TOP1MT: variants seen among roughly 807,000 people sequenced by gnomAD.
TOP1MT encodes the protein DNA topoisomerase I mitochondrial, also known as DNA topoisomerase I, mitochondrial.
In TOP1MT, 80 loss-of-function variants were observed where a neutral mutation model predicts 73.9. The observed-to-expected ratio is 1.08, with a 90% CI of 0.90 to 1.30. The LOEUF is 1.30. Ranked by LOEUF, TOP1MT falls within the 50% of genes most tolerant of loss-of-function variation. The pLI is 0.00. For missense variants in TOP1MT, 815 were observed against 808.0 expected (o/e 1.01, Z -0.10); for synonymous variants, 338 against 326.4 (o/e 1.04, Z -0.38).
At chr8:143,311,485 C>T (rs1300660459) in intron 12 of TOP1MT, among the ~76,000 whole-genome samples, 3 of 152,172 alleles carry the variant, frequency 2.0e-5, no homozygotes, top group African/African-American at 7.2e-5. Flanking sequence ...CAGTGGCTCA[C>T]GCCTGTAATC....
chr8:143,331,214 G>C lies in TOP1MT; in HGVS notation c.238+10C>G. 6.3e-7 allele frequency: 1 copy of C among 1,590,624 alleles called. No homozygotes were observed. On this transcript the variant is annotated intron_variant, in intron 2 of 13. Transcript: ENST00000329245. ...GCAGGCTGGGGAGGAGCCGCTCCCT[G>C]CATCCTTACCTTCATAGAAGAAACG...
At chr8:143,348,398 C>T (rs556409155), upstream of TOP1MT, among the ~76,000 whole-genome samples, 14 of 152,170 alleles carry the variant, frequency 9.2e-5, no homozygotes, top group Non-Finnish European at 1.3e-4. The surrounding 1 kb of genome is among the most constrained non-coding windows in gnomAD (Gnocchi z 4.6). Flanking sequence ...GCCGCAGCTA[C>T]GGCTCAAGAC....
At chr8:143,321,139 C>T in intron 8 of TOP1MT, 62 bp downstream of exon 8, 1 of 1,480,808 alleles carries the variant, frequency 6.8e-7, no homozygotes, top group South Asian at 1.3e-5. Flanking sequence ...TCCGGCACGC[C>T]CCCAGACATC....
intron 2 of TOP1MT, among the ~76,000 whole-genome samples, chr8:143,342,160 A>C (rs1426409387): frequency 3.3e-5 from 4 of 121,204 alleles, no homozygotes; most frequent in Non-Finnish European, 4.7e-5. Context: ...TTAGAGACAG[A>C]GTCTCGCTCT....
At chr8:143,317,908 G>C (rs752056311) in intron 9 of TOP1MT, 71 bp from the exon 10 acceptor site, 1 of 1,595,012 alleles carries the variant, frequency 6.3e-7, no homozygotes, top group South Asian at 1.1e-5. Flanking sequence ...GGGAAGGAAA[G>C]GACATGTCAG....
intron 1 of TOP1MT, chr8:143,332,452 G>A (rs945781952): frequency 3.9e-6 from 5 of 1,274,982 alleles, no homozygotes; most frequent in South Asian, 1.2e-5. Flanking sequence ...TCCCCCAGAC[G>A]CACAAGGACA....
upstream of TOP1MT, among the ~76,000 whole-genome samples, chr8:143,345,896 C>A (rs553812410): frequency 6.6e-6 from 1 of 152,312 alleles, no homozygotes; most frequent in South Asian, 2.1e-4. Context: ...TCTGATTCTG[C>A]CCTATCAGCA....
chr8:143,309,665 G>T, intron 13 of TOP1MT, 122 bp from the exon 14 acceptor site: 1 of 1,529,860 alleles, frequency 6.5e-7, no homozygotes, highest in Non-Finnish European at 8.8e-7. Flanking sequence ...GCCTGGTGTA[G>T]CTGGGACCTG....
upstream of TOP1MT, among the ~76,000 whole-genome samples, chr8:143,339,158 G>A (rs1817031307): frequency 6.6e-6 from 1 of 152,204 alleles, no homozygotes; most frequent in Non-Finnish European, 1.5e-5. Flanking sequence ...GCTGCGAGCA[G>A]TGGTGGAGTT....
At chr8:143,322,277 T>C (rs1417173777) in intron 7 of TOP1MT, among the ~76,000 whole-genome samples, 5 of 5,728 alleles carry the variant, frequency 8.7e-4, no homozygotes, top group East Asian at 8.5e-3. Context: ...GCCACACACA[T>C]GCACGCCACA....
At chr8:143,332,688 G>A (rs1261779502) in intron 1 of TOP1MT, 1 of 649,338 alleles carries the variant, frequency 1.5e-6, no homozygotes, top group South Asian at 1.5e-5. Flanking sequence ...AAGGTTAGAA[G>A]ACGTAGAGAC....
At chr8:143,322,661 C>CAG (rs1816503565) in intron 7 of TOP1MT, among the ~76,000 whole-genome samples, 10 of 125,202 alleles carry the variant, frequency 8.0e-5, no homozygotes, top group Non-Finnish European at 1.1e-4. Flanking sequence ...ACACCACACA[C>CAG]GCACGCCACA....
chr8:143,334,783 C>G lies in TOP1MT; in HGVS notation c.79G>C (p.Gly27Arg), dbSNP rs534584096. ...TGCGTCCTGCGCGAGCCCGGGACAC[C>G]CCGGGAGGCCGGGCGGCGGGGGACC... is the stretch of plus-strand genomic sequence containing the variant. The part of the protein sequence containing the change: ...GEVPRRPASR[G>R]VPGSRRTQKG... Residue 27 changes from glycine (G) to arginine (R), a missense_variant, in exon 1 of 14, where the codon GGT (glycine) becomes CGT (arginine). Physicochemically the swap from Gly to Arg is moderately radical, Grantham distance 125. This residue lies in a region of TOP1MT where 60 missense variants were observed against 65.9 expected (regional missense o/e 0.91). Transcript: ENST00000329245. The G allele has an allele frequency of 7.5e-6, 12 of 1,590,076 alleles. No homozygotes were observed. The African/African-American group carries it at 1.5e-4, about 20-fold the overall frequency.
intron 3 of TOP1MT, 116 bp from the exon 4 acceptor site, chr8:143,326,460 T>C: frequency 2.1e-6 from 3 of 1,412,420 alleles, no homozygotes; most frequent in Non-Finnish European, 2.9e-6. Flanking sequence ...GAGGCGTGTG[T>C]GCAATAGGCA....
chr8:143,313,860 GAA>G (rs775683065), intron 12 of TOP1MT, among the ~76,000 whole-genome samples: 2 of 121,046 alleles, frequency 1.7e-5, no homozygotes, highest in African/African-American at 3.0e-5. Context: ...GTCTCCAAAG[GAA>G]AAAAAAAAAA....
chr8:143,333,004 C>T (rs1816901163), intron 1 of TOP1MT, among the ~76,000 whole-genome samples: 1 of 152,214 alleles, frequency 6.6e-6, no homozygotes, highest in South Asian at 2.1e-4. Context: ...CCCACCAGCC[C>T]TGATACAGCA....
rs1364295242 is a variant in TOP1MT, at chr8:143,342,192, G to A, written c.29+1028C>T. ...CTCTGTTATTATTAGAGACAGTCTC[G>A]CTGTTATTATTATTATTAGAGACAG... On this transcript the variant is annotated intron_variant, in intron 2 of 5. Coordinates refer to the TOP1MT transcript ENST00000518007. 7.4e-4 allele frequency among the ~76,000 whole-genome samples: 38 copies of A among 51,424 alleles called. 3 individuals carry two copies. In the South Asian group the frequency reaches 0.031, roughly 42 times the overall value. 33.7% of individuals were successfully genotyped at this position (51,424 alleles called of 152,430 possible).
Position 143,321,191 on chromosome 8 carries a change from G to A in TOP1MT, c.1146+10C>T, listed in dbSNP as rs1816330749. On this transcript the variant is annotated intron_variant, in intron 8 of 13. Coordinates refer to ENST00000329245, the MANE Select transcript of TOP1MT (RefSeq NM_052963.3). The stretch of plus-strand genomic sequence containing the variant: ...CACATAGCGGGGGCAGCTGGCGCGA[G>A]GGCACTCACCGGCTTCTCCACCGGC... The A allele has an allele frequency of 1.3e-6, 2 of 1,580,928 alleles. No individual in the cohort carries two copies. The highest frequency in any genetic ancestry group is 1.4e-5 in the African/African-American group (1 of 73,798).
At chr8:143,326,399 G>A in intron 3 of TOP1MT, 55 bp from the exon 4 acceptor site, 1 of 1,604,888 alleles carries the variant, frequency 6.2e-7, no homozygotes, top group East Asian at 2.2e-5. Context: ...GACATGCAGA[G>A]CGCTCTCGCC....
Sources: allele counts gnomAD v4.1 joint callset (sites outside exome capture counted in the v4.1 genomes callset), GRCh38; gene constraint gnomAD v4.1.1; regional missense constraint gnomAD v4.1.1; non-coding constraint Gnocchi (gnomAD v3.1); transcripts MANE v1.5; gene names NCBI Gene and HGNC (gene_info 2026-07-23, HGNC 2026-07-21).